MEOX2: variants seen among roughly 807,000 people sequenced by gnomAD.
MEOX2 encodes homeobox protein MOX-2.
A neutral mutation model predicts 27.0 loss-of-function variants in MEOX2; 11 were observed. That is an observed-to-expected ratio of 0.41 (90% CI 0.26 to 0.68). The LOEUF (loss-of-function observed/expected upper bound fraction) is 0.68, where lower values mean the gene tolerates loss of function less well. Among genes scored for constraint, MEOX2 ranks in the 30% least tolerant of loss-of-function variants. MEOX2 has a pLI of 0.33. For missense variants in MEOX2, 436 were observed against 385.4 expected, an observed-to-expected ratio of 1.13 and a Z score of -1.10; for synonymous variants, 189 against 155.4, an observed-to-expected ratio of 1.22 and a Z score of -1.61.
At chr7:15,674,047 T>C (rs909442552) in intron 1 of MEOX2, among the ~76,000 whole-genome samples, 2 of 152,048 alleles carry the variant, frequency 1.3e-5, no homozygotes, top group African/African-American at 4.8e-5. Context: ...TACATATCTA[T>C]AGATAGATAT....
At chr7:15,629,516 C>A (rs1274936449) in intron 1 of MEOX2, among the ~76,000 whole-genome samples, 1 of 152,000 alleles carries the variant, frequency 6.6e-6, no homozygotes, top group Non-Finnish European at 1.5e-5. Context: ...TATAACCACA[C>A]AAAGAACCAT....
At chr7:15,647,480 C>T (rs1781669522) in intron 1 of MEOX2, among the ~76,000 whole-genome samples, 1 of 152,052 alleles carries the variant, frequency 6.6e-6, no homozygotes, top group South Asian at 2.1e-4. Context: ...TTTGATGGTT[C>T]AATTTCTTTG....
chr7:15,651,135 A>G (rs1781726605), intron 1 of MEOX2, among the ~76,000 whole-genome samples: 3 of 152,002 alleles, frequency 2.0e-5, no homozygotes, highest in Admixed American at 2.0e-4. Flanking sequence ...ATAGGAAGCC[A>G]TTGGTGATTT....
At chr7:15,670,982 A>G (rs1334017266) in intron 1 of MEOX2, among the ~76,000 whole-genome samples, 1 of 152,234 alleles carries the variant, frequency 6.6e-6, no homozygotes, top group Non-Finnish European at 1.5e-5. Context: ...GATGTTTTCA[A>G]AATAATTGGG....
chr7:15,665,241 CCA>C (rs1237745833), intron 1 of MEOX2, among the ~76,000 whole-genome samples: 1 of 151,756 alleles, frequency 6.6e-6, no homozygotes, highest in African/African-American at 2.4e-5. Flanking sequence ...CCAGAATAAC[CCA>C]GGGAAAATGA....
intron 2 of MEOX2, among the ~76,000 whole-genome samples, chr7:15,615,122 C>A (rs1449847113): frequency 2.6e-5 from 4 of 152,048 alleles, no homozygotes; most frequent in African/African-American, 9.7e-5. Context: ...ACAAAATAAT[C>A]AGTAATTCCC....
intron 1 of MEOX2, among the ~76,000 whole-genome samples, chr7:15,646,743 C>G (rs1184049899): frequency 6.6e-6 from 1 of 151,882 alleles, no homozygotes; most frequent in African/African-American, 2.4e-5. Context: ...CTTAAAAAAT[C>G]ACACTGACAT....
chr7:15,647,982 G>A (rs1332152462), intron 1 of MEOX2, among the ~76,000 whole-genome samples: 1 of 151,950 alleles, frequency 6.6e-6, no homozygotes, highest in East Asian at 1.9e-4. Flanking sequence ...AGTTTCAGAA[G>A]CATTTCTTTT....
chr7:15,674,805 G>A (rs1400742384), intron 1 of MEOX2, among the ~76,000 whole-genome samples: 1 of 152,130 alleles, frequency 6.6e-6, no homozygotes, highest in Non-Finnish European at 1.5e-5. Context: ...TGGGGAAGAT[G>A]GGTGTGAACA....
intron 1 of MEOX2, among the ~76,000 whole-genome samples, chr7:15,663,930 T>C (rs754109577): frequency 5.5e-4 from 84 of 152,284 alleles, no homozygotes; most frequent in Non-Finnish European, 8.7e-4. Flanking sequence ...AATGTATAGA[T>C]AGATATAGAT....
At chr7:15,669,349 G>A (rs1432994763) in intron 1 of MEOX2, among the ~76,000 whole-genome samples, 3 of 152,118 alleles carry the variant, frequency 2.0e-5, no homozygotes, top group Non-Finnish European at 4.4e-5. Flanking sequence ...TTTGTTTTTT[G>A]TGTTTCTAAG....
chr7:15,646,126 A>T (rs76054184), intron 1 of MEOX2, among the ~76,000 whole-genome samples: 3 of 151,882 alleles, frequency 2.0e-5, no homozygotes, highest in Non-Finnish European at 2.9e-5. Flanking sequence ...TGGCATAAAA[A>T]CCTCTGTTCT....
At chr7:15,629,470 A>T (rs1475411450) in intron 1 of MEOX2, among the ~76,000 whole-genome samples, 1 of 152,104 alleles carries the variant, frequency 6.6e-6, no homozygotes, top group Non-Finnish European at 1.5e-5. Flanking sequence ...GTGAAATCCA[A>T]TGACTAAAAT....
chr7:15,669,529 C>T (rs1310587720), intron 1 of MEOX2, among the ~76,000 whole-genome samples: 1 of 152,142 alleles, frequency 6.6e-6, no homozygotes, highest in Non-Finnish European at 1.5e-5. Context: ...TCAATTAATT[C>T]CCAATTAATC....
At chr7:15,614,301 C>A (rs1419876299) in intron 2 of MEOX2, among the ~76,000 whole-genome samples, 1 of 151,890 alleles carries the variant, frequency 6.6e-6, no homozygotes, top group Non-Finnish European at 1.5e-5. Context: ...GTAGTCCCAG[C>A]TTCTCAGGAG....
chr7:15,630,702 G>A (rs1032747286), intron 1 of MEOX2, among the ~76,000 whole-genome samples: 10 of 151,962 alleles, frequency 6.6e-5, no homozygotes, highest in Admixed American at 3.3e-4. Context: ...TAACAAAACT[G>A]CACAAACCCA....
Position 15,611,956 on chromosome 7 carries a change from C to G in MEOX2, c.*431G>C, listed in dbSNP as rs1419968944. 1.2e-5 allele frequency: 2 copies of G among 167,488 alleles called. No individual in the cohort carries two copies. Among genetic ancestry groups the G allele is most frequent in the Non-Finnish European group, 2.6e-5 (2 of 76,112 alleles). 10.4% of individuals were successfully genotyped at this position (167,488 alleles called of 1,614,324 possible). The stretch of plus-strand genomic sequence containing the variant: ...ATAGCAATTTAATTTTCAGTGCAAG[C>G]AAAAGCAAATACCTGCCCACTGTAA... On this transcript the variant is annotated 3_prime_UTR_variant, in exon 3 of 3. Transcript: ENST00000262041.
intron 1 of MEOX2, among the ~76,000 whole-genome samples, chr7:15,674,887 G>A (rs1782167277): frequency 6.6e-6 from 1 of 152,076 alleles, no homozygotes; most frequent in Non-Finnish European, 1.5e-5. Flanking sequence ...ATATTTTTCA[G>A]CATCTTCTGT....
intron 1 of MEOX2, among the ~76,000 whole-genome samples, chr7:15,631,200 A>G (rs1781396256): frequency 6.6e-6 from 1 of 151,730 alleles, no homozygotes. Context: ...ATCGAGTTAT[A>G]ATTATTATTG....
Sources: gnomAD v4.1 joint callset for allele counts (sites outside exome capture counted in the v4.1 genomes callset) on GRCh38, gnomAD v4.1.1 for gene constraint, MANE v1.5 for transcripts, NCBI Gene and HGNC (gene_info 2026-07-23, HGNC 2026-07-21) for gene names.